CTNND2: variants seen among roughly 807,000 people sequenced by gnomAD.
CTNND2 encodes the protein catenin delta 2, also known as catenin delta-2.
CTNND2 carries 22 observed loss-of-function variants against 144.4 expected under a neutral mutation model. That is an observed-to-expected ratio of 0.15 (90% CI 0.11 to 0.22). The LOEUF (loss-of-function observed/expected upper bound fraction) is 0.22, where lower values mean the gene tolerates loss of function less well. Among genes scored for constraint, CTNND2 ranks in the 10% least tolerant of loss-of-function variants. CTNND2 has a pLI of 1.00. For synonymous variants in CTNND2, 751 were observed against 695.6 expected (o/e 1.08, Z -1.25); for missense variants, 1,353 against 1,618.8 (o/e 0.84, Z 2.82).
intron 2 of CTNND2, among the ~76,000 whole-genome samples, chr5:11,682,505 A>T (rs1784459427): frequency 6.6e-6 from 1 of 152,242 alleles, no homozygotes; most frequent in South Asian, 2.1e-4. Flanking sequence ...CCAAATGTAT[A>T]CTGGAAGGAT....
At chr5:11,294,932 T>G (rs1748747030) in intron 9 of CTNND2, among the ~76,000 whole-genome samples, 2 of 152,188 alleles carry the variant, frequency 1.3e-5, no homozygotes, top group African/African-American at 4.8e-5. Flanking sequence ...AAGACAAGGA[T>G]GCCCTCTCTC....
chr5:11,671,936 A>C (rs1783893580), intron 2 of CTNND2, among the ~76,000 whole-genome samples: 1 of 152,126 alleles, frequency 6.6e-6, no homozygotes, highest in African/African-American at 2.4e-5. Context: ...TTGGTCTCTG[A>C]AGTCAGTGAC....
chr5:11,411,985 G>A lies in CTNND2; in HGVS notation c.322+50C>T, dbSNP rs769894969. On this transcript the variant is annotated intron_variant, in intron 4 of 21. Transcript: ENST00000304623. ...CTAAAGTTCATAAGAAAAGTCATCA[G>A]TAGAGATATGTTTAGAAGTGTAAGT... is the stretch of plus-strand genomic sequence containing the variant. The A allele has an allele frequency of 3.4e-5, 49 of 1,445,408 alleles. No homozygotes were observed. In the South Asian group the frequency reaches 5.4e-4, roughly 16 times the overall value. 89.5% of individuals were successfully genotyped at this position (1,445,408 alleles called of 1,614,324 possible).
chr5:11,464,172 G>A (rs1038902285), intron 3 of CTNND2, among the ~76,000 whole-genome samples: 1 of 152,166 alleles, frequency 6.6e-6, no homozygotes, highest in Non-Finnish European at 1.5e-5. Flanking sequence ...GAGGAATTCA[G>A]CAGTGAGCCA....
intron 11 of CTNND2, among the ~76,000 whole-genome samples, chr5:11,183,939 CTT>C (rs770239662): frequency 3.9e-5 from 6 of 152,134 alleles, no homozygotes; most frequent in Non-Finnish European, 8.8e-5. Flanking sequence ...CTCTCAAACT[CTT>C]TTCTTTCATT....
chr5:11,636,318 C>T (rs1781702006), intron 2 of CTNND2, among the ~76,000 whole-genome samples: 1 of 152,170 alleles, frequency 6.6e-6, no homozygotes, highest in South Asian at 2.1e-4. Flanking sequence ...ATCATCTTGT[C>T]TTCTCTTTCC....
In CTNND2 at chr5:11,082,754, G is replaced by A. The variant is rs764744996; in HGVS notation, c.2730C>T (p.Cys910=). 3.1e-6 allele frequency: 5 copies of A among 1,614,116 alleles called. No individual in the cohort carries two copies. Among genetic ancestry groups the A allele is most frequent in the East Asian group, 4.5e-5 (2 of 44,870 alleles). ...LLRIDNDRVV[C]AVATALRNMA... ...TGTTCCGCAGCGCAGTGGCCACCGC[G>A]CACACCACACGGTCATTGTCTATTC... is the stretch of plus-strand genomic sequence containing the variant. Residue 910 remains cysteine (C), a synonymous_variant, in exon 16 of 22, where the codon TGC becomes TGT. Coordinates refer to ENST00000304623, the MANE Select transcript of CTNND2 (RefSeq NM_001332.4).
chr5:11,832,076 G>T lies in CTNND2; in HGVS notation c.37+71741C>A, dbSNP rs145576500. 3.8e-3 allele frequency among the ~76,000 whole-genome samples: 576 copies of T among 152,238 alleles called. 2 individuals are homozygous for T. Among genetic ancestry groups the T allele is most frequent in the Middle Eastern group, 0.024 (7 of 294 alleles). On this transcript the variant is annotated intron_variant, in intron 1 of 21. Transcript: ENST00000304623. ...AGACAGGTGGATCATGAGGTCAAGA[G>T]ATCGAGACCATCCTGGCTAACATGG...
At chr5:11,478,535 A>G (rs144224029) in intron 3 of CTNND2, among the ~76,000 whole-genome samples, 31 of 152,334 alleles carry the variant, frequency 2.0e-4, no homozygotes, top group African/African-American at 7.5e-4. Flanking sequence ...ACATCATACC[A>G]GCCACATCTG....
chr5:11,182,375 G>A (rs1409071831), intron 11 of CTNND2, among the ~76,000 whole-genome samples: 1 of 152,030 alleles, frequency 6.6e-6, no homozygotes, highest in Non-Finnish European at 1.5e-5. Flanking sequence ...ACATCTAAGA[G>A]TGTGCACACC....
At chr5:11,242,214 A>G (rs1480478169) in intron 9 of CTNND2, among the ~76,000 whole-genome samples, 3 of 152,192 alleles carry the variant, frequency 2.0e-5, no homozygotes, top group Non-Finnish European at 4.4e-5. Context: ...AGCGCATACT[A>G]AAAGTCAGTT....
chr5:11,696,138 AT>A (rs1785129806), intron 2 of CTNND2, among the ~76,000 whole-genome samples: 1 of 152,160 alleles, frequency 6.6e-6, no homozygotes, highest in South Asian at 2.1e-4. Context: ...TTTGTGAGTA[AT>A]CTCATCTCTT....
intron 2 of CTNND2, among the ~76,000 whole-genome samples, chr5:11,725,733 T>A (rs1191035926): frequency 6.6e-6 from 1 of 152,232 alleles, no homozygotes; most frequent in African/African-American, 2.4e-5. Context: ...ATGTTTCACA[T>A]GTACATTTTA....
At chr5:11,533,966 T>G (rs1243514200) in intron 3 of CTNND2, among the ~76,000 whole-genome samples, 1 of 152,208 alleles carries the variant, frequency 6.6e-6, no homozygotes, top group Non-Finnish European at 1.5e-5. Context: ...TAAGAATGGA[T>G]GCATTCACAA....
intron 19 of CTNND2, 111 bp downstream of exon 19, chr5:10,992,440 G>T: frequency 6.9e-7 from 1 of 1,455,184 alleles, no homozygotes; most frequent in Non-Finnish European, 9.6e-7. Context: ...TTCTAGCGAA[G>T]GTCTGAATGG....
At position 11,382,595 on chromosome 5, in the gene CTNND2, C is replaced by CA. The variant is rs1480929474; in HGVS notation, c.1177+2069_1177+2070insT. On this transcript the variant is annotated intron_variant, in intron 7 of 21. Coordinates refer to ENST00000304623, the MANE Select transcript of CTNND2 (RefSeq NM_001332.4). ...CCTGGGCAACCGACAGAGTGAGACTCTGTGTGTGTGTGTGTGTGTGTGTGT... is the reference window on the plus strand; with the variant it reads ...CCTGGGCAACCGACAGAGTGAGACTCATGTGTGTGTGTGTGTGTGTGTGTGT... 2.3e-5 allele frequency among the ~76,000 whole-genome samples: 3 copies of CA among 130,234 alleles called. No homozygotes were observed. In the East Asian group the frequency reaches 6.5e-4, roughly 28 times the overall value. 85.4% of individuals were successfully genotyped at this position (130,234 alleles called of 152,430 possible).
intron 2 of CTNND2, among the ~76,000 whole-genome samples, chr5:11,701,067 A>G (rs2126670829): frequency 6.6e-6 from 1 of 152,332 alleles, no homozygotes; most frequent in East Asian, 1.9e-4. Context: ...CCTGAGACCC[A>G]TTCTGTACAT....
intron 12 of CTNND2, among the ~76,000 whole-genome samples, chr5:11,124,925 C>G (rs945742079): frequency 6.6e-6 from 1 of 152,126 alleles, no homozygotes; most frequent in African/African-American, 2.4e-5. Context: ...TTTGAGCAGC[C>G]CCTGCTTGGA....
At chr5:11,467,534 G>T (rs1446852530) in intron 3 of CTNND2, among the ~76,000 whole-genome samples, 1 of 152,202 alleles carries the variant, frequency 6.6e-6, no homozygotes, top group Non-Finnish European at 1.5e-5. Flanking sequence ...TTTGTGGCAT[G>T]TTCTGGCCTT....
Sources: gnomAD v4.1 joint callset for allele counts (sites outside exome capture counted in the v4.1 genomes callset) on GRCh38, gnomAD v4.1.1 for gene constraint, MANE v1.5 for transcripts, NCBI Gene and HGNC (gene_info 2026-07-23, HGNC 2026-07-21) for gene names.